PDZRN4: variants seen among roughly 807,000 people sequenced by gnomAD.
The protein encoded by PDZRN4 is PDZ domain-containing RING finger protein 4.
In PDZRN4, 70 loss-of-function variants were observed where a neutral mutation model predicts 99.0. The observed-to-expected ratio is 0.71, with a 90% CI of 0.58 to 0.86. The LOEUF (loss-of-function observed/expected upper bound fraction) is 0.86, where lower values mean the gene tolerates loss of function less well. Ranked by LOEUF, PDZRN4 falls within the 40% of genes least tolerant of loss-of-function variation. The pLI is 0.00. For missense variants in PDZRN4, 1,474 were observed against 1,331.2 expected, an observed-to-expected ratio of 1.11 and a Z score of -1.67; for synonymous variants, 551 against 501.6, an observed-to-expected ratio of 1.10 and a Z score of -1.32.
chr12:41,411,048 A>T lies in PDZRN4; in HGVS notation c.844-95408A>T, dbSNP rs181763244. On this transcript the variant is annotated intron_variant, in intron 3 of 9. Transcript: ENST00000402685. ...CACGTGCCACCACACTGAGCTTTAA[A>T]ATATATATATATATATATATTTTTT... Among the ~76,000 whole-genome samples, 316 of 128,384 alleles carry T rather than the reference A, an allele frequency of 2.5e-3. 1 individual carries two copies. The highest frequency in any genetic ancestry group is 0.019 in the Middle Eastern group (5 of 262). 84.2% of individuals were successfully genotyped at this position (128,384 alleles called of 152,430 possible). A position where few individuals can be genotyped will look rare whatever the true frequency, so the allele number is the denominator to read the frequency against.
chr12:41,259,520 A>T (rs1014062097), intron 3 of PDZRN4, among the ~76,000 whole-genome samples: 5 of 152,162 alleles, frequency 3.3e-5, no homozygotes, highest in Admixed American at 6.5e-5. Context: ...GTTGGATGAA[A>T]TTAGACTGAG....
At chr12:41,388,727 G>C (rs544918507) in intron 3 of PDZRN4, among the ~76,000 whole-genome samples, 1 of 152,062 alleles carries the variant, frequency 6.6e-6, no homozygotes, top group Non-Finnish European at 1.5e-5. Context: ...GTGTAGGAGA[G>C]AGAAAAAAAG....
intron 3 of PDZRN4, among the ~76,000 whole-genome samples, chr12:41,324,105 T>C (rs1244357271): frequency 6.6e-6 from 1 of 152,080 alleles, no homozygotes; most frequent in Non-Finnish European, 1.5e-5. Context: ...TTCAATATGA[T>C]GCTGTGATTC....
chr12:41,189,083 C>A lies in PDZRN4; in HGVS notation c.628C>A (p.Leu210Ile), dbSNP rs765143490. ...TCACGTCCGCAACTTCGTCGGCGAC[C>A]TCGGTGGCGGCCACCGCAGGGTAAG... ...MAHVRNFVGD[L>I]GGGHRRDGEH... The change falls in exon 1 of 10, where the codon CTC (leucine) becomes ATC (isoleucine). Residue 210 changes from leucine (L) to isoleucine (I), a missense_variant. Leu to Ile is a conservative substitution (Grantham distance 5). Coordinates refer to ENST00000402685, the MANE Select transcript of PDZRN4 (RefSeq NM_001164595.2). 1 of 1,581,984 alleles carries A rather than the reference C, an allele frequency of 6.3e-7. No homozygotes were observed. The highest frequency in any genetic ancestry group is 8.5e-7 in the Non-Finnish European group (1 of 1,172,286).
At chr12:41,390,783 A>C (rs563950693) in intron 3 of PDZRN4, among the ~76,000 whole-genome samples, 4 of 152,310 alleles carry the variant, frequency 2.6e-5, no homozygotes, top group African/African-American at 9.6e-5. Context: ...TTCAAAAGCA[A>C]GTAAAACCAA....
At chr12:41,236,511 G>A (rs918748086) in intron 3 of PDZRN4, among the ~76,000 whole-genome samples, 4 of 151,974 alleles carry the variant, frequency 2.6e-5, no homozygotes, top group Non-Finnish European at 5.9e-5. Flanking sequence ...AAGAAGATAA[G>A]GCTGGTGCAT....
intron 3 of PDZRN4, among the ~76,000 whole-genome samples, chr12:41,418,650 T>C (rs1952464376): frequency 6.6e-6 from 1 of 152,182 alleles, no homozygotes; most frequent in Non-Finnish European, 1.5e-5. Context: ...TGGCTACTTT[T>C]CTACCCTGAA....
intron 3 of PDZRN4, among the ~76,000 whole-genome samples, chr12:41,362,871 G>A (rs1951973582): frequency 6.6e-6 from 1 of 152,070 alleles, no homozygotes; most frequent in Non-Finnish European, 1.5e-5. Context: ...CACAAAGGAT[G>A]TTCCAAAACT....
At chr12:41,466,355 C>T (rs1206572279) in intron 3 of PDZRN4, among the ~76,000 whole-genome samples, 1 of 152,144 alleles carries the variant, frequency 6.6e-6, no homozygotes, top group Non-Finnish European at 1.5e-5. Flanking sequence ...AACACAAATC[C>T]CCTGACAGTT....
At chr12:41,453,964 A>ACATT (rs1653827862) in intron 3 of PDZRN4, among the ~76,000 whole-genome samples, 1 of 71,782 alleles carries the variant, frequency 1.4e-5, no homozygotes, top group Non-Finnish European at 2.9e-5. Flanking sequence ...AATAGCTGTA[A>ACATT]CATTGTTTAT....
chr12:41,555,809 T>G (rs1166378343), intron 7 of PDZRN4, 49 bp downstream of exon 7: 2 of 1,370,914 alleles, frequency 1.5e-6, no homozygotes, highest in South Asian at 2.3e-5. Flanking sequence ...TGTCCAAAGT[T>G]ACTATTTTAC....
chr12:41,239,538 G>A (rs150281861), intron 3 of PDZRN4, among the ~76,000 whole-genome samples: 10 of 152,284 alleles, frequency 6.6e-5, no homozygotes, highest in Admixed American at 2.0e-4. Flanking sequence ...TTTGGAAATA[G>A]TGTAATAACA....
chr12:41,484,089 T>C (rs969738821), intron 3 of PDZRN4, among the ~76,000 whole-genome samples: 1 of 152,164 alleles, frequency 6.6e-6, no homozygotes, highest in Non-Finnish European at 1.5e-5. Flanking sequence ...TAATAAAGTT[T>C]ATCAACTTGT....
intron 3 of PDZRN4, among the ~76,000 whole-genome samples, chr12:41,232,988 G>A (rs983788130): frequency 6.6e-6 from 1 of 151,996 alleles, no homozygotes; most frequent in Non-Finnish European, 1.5e-5. Context: ...TAGATATGCG[G>A]CATTATTTCT....
At chr12:41,463,017 C>T (rs1242847056) in intron 3 of PDZRN4, among the ~76,000 whole-genome samples, 1 of 152,154 alleles carries the variant, frequency 6.6e-6, no homozygotes, top group African/African-American at 2.4e-5. Flanking sequence ...CCTTGTCACC[C>T]TGATGCCAGA....
chr12:41,334,181 T>C (rs1177201253), intron 3 of PDZRN4, among the ~76,000 whole-genome samples: 2 of 152,078 alleles, frequency 1.3e-5, no homozygotes, highest in African/African-American at 4.8e-5. Context: ...TATAACAAGG[T>C]CTTTGCTGGC....
At chr12:41,430,738 G>A (rs1952580236) in intron 3 of PDZRN4, among the ~76,000 whole-genome samples, 1 of 152,140 alleles carries the variant, frequency 6.6e-6, no homozygotes, top group South Asian at 2.1e-4. Flanking sequence ...AACAAAAATT[G>A]TAAAGATAAA....
At position 41,518,710 on chromosome 12, in the gene PDZRN4, A is replaced by G. The variant is rs183936496; in HGVS notation, c.1203+8797A>G. On this transcript the variant is annotated intron_variant, in intron 5 of 9. Transcript: ENST00000402685. ...TTATTATTATATAACCTTTATTTAA[A>G]GCACATTTTAAAAGGAGCATGGCTT... Among the ~76,000 whole-genome samples the G allele has an allele frequency of 4.2e-3, 638 of 152,178 alleles. 10 individuals are homozygous for G. The highest frequency in any genetic ancestry group is 0.015 in the African/African-American group (610 of 41,560).
chr12:41,289,758 A>G (rs1397457552), intron 3 of PDZRN4, among the ~76,000 whole-genome samples: 1 of 152,192 alleles, frequency 6.6e-6, no homozygotes, highest in Admixed American at 6.5e-5. Flanking sequence ...CAATATACAG[A>G]TTAGGAAATC....
Sources: allele counts gnomAD v4.1 joint callset (sites outside exome capture counted in the v4.1 genomes callset), GRCh38; gene constraint gnomAD v4.1.1; transcripts MANE v1.5; gene names NCBI Gene and HGNC (gene_info 2026-07-23, HGNC 2026-07-21).